The following POU3F3 variants were observed in gnomAD, a reference collection of about 807,000 sequenced individuals.
POU3F3 encodes POU domain, class 3, transcription factor 3.
In POU3F3, 1 loss-of-function variant was observed where a neutral mutation model predicts 8.6. That is an observed-to-expected ratio of 0.12 (90% CI 0.04 to 0.55). The LOEUF is 0.55. Among genes scored for constraint, POU3F3 ranks in the 20% least tolerant of loss-of-function variants. The pLI is 0.91. For synonymous variants in POU3F3, 418 were observed against 327.4 expected (o/e 1.28, Z -2.99); for missense variants, 577 against 690.7 (o/e 0.84, Z 1.84).
chr2:104,873,508 T>C, the POU3F3 span, among the ~76,000 whole-genome samples: 1 of 152,178 alleles, frequency 6.6e-6, no homozygotes, highest in Non-Finnish European at 1.5e-5. Context: ...TCCTGTGCCC[T>C]GTGGCCAGCC....
chr2:104,883,692 G>T, the POU3F3 span, among the ~76,000 whole-genome samples: 1 of 152,228 alleles, frequency 6.6e-6, no homozygotes, highest in South Asian at 2.1e-4. Flanking sequence ...GTAGCCGCTG[G>T]TGTGTTTAAT....
chr2:104,925,813 T>C, the POU3F3 span: 1 of 152,220 alleles, frequency 6.6e-6, no homozygotes, highest in Admixed American at 6.5e-5. Context: ...ACTTAGACTC[T>C]GAGGCAAAAT....
the POU3F3 span, among the ~76,000 whole-genome samples, chr2:104,887,275 C>T: frequency 6.6e-6 from 1 of 152,182 alleles, no homozygotes; most frequent in African/African-American, 2.4e-5. Context: ...CCTTCTATCT[C>T]ATCCTGTGAC....
At chr2:104,899,846 G>A in the POU3F3 span, among the ~76,000 whole-genome samples, 1 of 152,164 alleles carries the variant, frequency 6.6e-6, no homozygotes, top group East Asian at 1.9e-4. Context: ...CAACAGCAAC[G>A]GATGCCAAGC....
the POU3F3 span, among the ~76,000 whole-genome samples, chr2:104,880,808 G>T: frequency 6.6e-6 from 1 of 152,280 alleles, no homozygotes; most frequent in South Asian, 2.1e-4. Context: ...TGGGCCAAGA[G>T]CTTGGGACAG....
In POU3F3 at chr2:104,855,476, T is replaced by TGGTGGCGGC; in HGVS notation, c.-29_-21dup. 3.0e-6 allele frequency: 2 copies of TGGTGGCGGC among 670,110 alleles called. No individual in the cohort carries two copies. Among genetic ancestry groups the TGGTGGCGGC allele is most frequent in the Non-Finnish European group, 3.4e-6 (2 of 582,876 alleles). The allele number at this position is 670,110 out of a possible 1,614,324, so 41.5% of individuals were successfully genotyped here. A position where few individuals can be genotyped will look rare whatever the true frequency, so the allele number is the denominator to read the frequency against. ...GCTGCTGCTGCGGCGGCGGCGGCGG[T>TGGTGGCGGC]GGTGGCGGCGGTGGGGTGGCGGGAG... On this transcript the variant is annotated 5_prime_UTR_variant, in exon 1 of 1. Coordinates refer to ENST00000361360, the MANE Select transcript of POU3F3 (RefSeq NM_006236.3).
At chr2:104,904,444 CA>C in the POU3F3 span, among the ~76,000 whole-genome samples, 2 of 151,634 alleles carry the variant, frequency 1.3e-5, no homozygotes, top group Non-Finnish European at 2.9e-5. Context: ...AAAAATCAAC[CA>C]AAAAAATCAA....
the POU3F3 span, among the ~76,000 whole-genome samples, chr2:104,902,190 C>A: frequency 1.3e-5 from 2 of 152,176 alleles, no homozygotes; most frequent in African/African-American, 4.8e-5. Flanking sequence ...AGAACCACAA[C>A]CCCAAAAGTG....
the POU3F3 span, among the ~76,000 whole-genome samples, chr2:104,907,937 G>GTGTA: frequency 6.6e-6 from 1 of 152,158 alleles, no homozygotes; most frequent in Non-Finnish European, 1.5e-5. Flanking sequence ...GAGAGTGTGT[G>GTGTA]TGTATGTGCA....
chr2:104,919,754 C>G, the POU3F3 span, among the ~76,000 whole-genome samples: 2 of 152,068 alleles, frequency 1.3e-5, no homozygotes, highest in South Asian at 2.1e-4. Context: ...CTTCCCTTTC[C>G]CCTCGCCTCT....
rs928721333 is a variant in POU3F3, at chr2:104,855,975, C to G, written c.465C>G (p.Arg155=). The G allele has an allele frequency of 2.9e-6, 3 of 1,036,608 alleles. No individual in the cohort carries two copies. In the African/African-American group the frequency reaches 5.3e-5, roughly 18 times the overall value. 64.2% of individuals were successfully genotyped at this position (1,036,608 alleles called of 1,614,324 possible). A position where few individuals can be genotyped will look rare whatever the true frequency, so the allele number is the denominator to read the frequency against. Reference sequence around the variant, plus strand: ...CCGACGTGAAGGGCGGCGCCGGGCGCGACGACCTGCACGCGGGCACAGCGC... The same window carrying G: ...CCGACGTGAAGGGCGGCGCCGGGCGGGACGACCTGCACGCGGGCACAGCGC... ...QGPDVKGGAG[R]DDLHAGTALH... The change falls in exon 1 of 1, where the codon CGC becomes CGG. Residue 155 remains arginine (R), a synonymous_variant. Transcript: ENST00000361360.
the POU3F3 span, among the ~76,000 whole-genome samples, chr2:104,910,323 C>T: frequency 6.6e-6 from 1 of 152,218 alleles, no homozygotes; most frequent in Non-Finnish European, 1.5e-5. Context: ...TTTGGCTCCC[C>T]TAAGACTCAG....
At chr2:104,876,622 C>T in the POU3F3 span, among the ~76,000 whole-genome samples, 2 of 152,104 alleles carry the variant, frequency 1.3e-5, no homozygotes, top group East Asian at 1.9e-4. Context: ...TTTTTATTTC[C>T]CACATTTTAA....
chr2:104,877,762 A>T, the POU3F3 span, among the ~76,000 whole-genome samples: 1 of 147,654 alleles, frequency 6.8e-6, no homozygotes, highest in South Asian at 2.1e-4. Context: ...GATTCCAGGG[A>T]TTCTCCTGCC....
chr2:104,864,179 C>G, the POU3F3 span, among the ~76,000 whole-genome samples: 1 of 152,222 alleles, frequency 6.6e-6, no homozygotes. Context: ...GTGCGGGCGC[C>G]GGCAGCAGGG....
At chr2:104,904,640 T>C in the POU3F3 span, among the ~76,000 whole-genome samples, 1 of 152,236 alleles carries the variant, frequency 6.6e-6, no homozygotes, top group Non-Finnish European at 1.5e-5. Flanking sequence ...TGTGGTATAA[T>C]ATATGGCATG....
At chr2:104,861,614 T>G (rs1033728630), downstream of POU3F3, among the ~76,000 whole-genome samples, 10 of 152,150 alleles carry the variant, frequency 6.6e-5, no homozygotes, top group Admixed American at 6.5e-4. Flanking sequence ...TGTGCTAGAC[T>G]GAAGAAAAAA....
At chr2:104,926,590 C>A in the POU3F3 span, among the ~76,000 whole-genome samples, 1 of 152,036 alleles carries the variant, frequency 6.6e-6, no homozygotes, top group African/African-American at 2.4e-5. Flanking sequence ...TTTGACCCAG[C>A]AATCCCATTA....
At chr2:104,873,895 G>A in the POU3F3 span, among the ~76,000 whole-genome samples, 1 of 152,204 alleles carries the variant, frequency 6.6e-6, no homozygotes, top group African/African-American at 2.4e-5. Flanking sequence ...GTTCCCTAAG[G>A]CGCACAGAAG....
Sources: gnomAD v4.1 joint callset for allele counts (sites outside exome capture counted in the v4.1 genomes callset) on GRCh38, gnomAD v4.1.1 for gene constraint, MANE v1.5 for transcripts, NCBI Gene and HGNC (gene_info 2026-07-23, HGNC 2026-07-21) for gene names.